The following BAZ1A variants were observed in gnomAD, a reference collection of about 807,000 sequenced individuals.
BAZ1A encodes the protein bromodomain adjacent to zinc finger domain protein 1A.
In BAZ1A, 50 loss-of-function variants were observed where a neutral mutation model predicts 185.2. The observed-to-expected ratio is 0.27, with a 90% confidence interval of 0.22 to 0.34. The LOEUF (loss-of-function observed/expected upper bound fraction) is 0.34, where lower values mean the gene tolerates loss of function less well. BAZ1A is among the 10% of genes least tolerant of loss of function. BAZ1A has a pLI of 1.00. For missense variants in BAZ1A, 1,356 were observed against 1,839.9 expected (o/e 0.74, Z 4.81); for synonymous variants, 571 against 615.6 (o/e 0.93, Z 1.07).
At chr14:34,801,850 G>C (rs915772961) in intron 7 of BAZ1A, among the ~76,000 whole-genome samples, 1 of 148,722 alleles carries the variant, frequency 6.7e-6, no homozygotes, top group African/African-American at 2.5e-5. Context: ...AGGTTGCAGT[G>C]AGCCAAGATC....
chr14:34,821,415 TCTTTA>T (rs1022590212), intron 4 of BAZ1A, among the ~76,000 whole-genome samples: 5 of 152,340 alleles, frequency 3.3e-5, no homozygotes, highest in African/African-American at 1.2e-4. Context: ...CCTTCCCTTT[TCTTTA>T]AACAACCTAC....
chr14:34,785,562 A>C (rs1022272959), intron 14 of BAZ1A, among the ~76,000 whole-genome samples: 5 of 152,250 alleles, frequency 3.3e-5, no homozygotes, highest in African/African-American at 4.8e-5. Context: ...AACTCAGTAG[A>C]TGTAGTAGAC....
At chr14:34,865,640 A>T (rs776656163) in intron 2 of BAZ1A, among the ~76,000 whole-genome samples, 3 of 152,228 alleles carry the variant, frequency 2.0e-5, no homozygotes, top group Admixed American at 6.5e-5. Context: ...CTTAAATGAG[A>T]TCTACAGAAA....
intron 4 of BAZ1A, among the ~76,000 whole-genome samples, chr14:34,822,377 A>T (rs2042101904): frequency 6.6e-6 from 1 of 152,070 alleles, no homozygotes; most frequent in Non-Finnish European, 1.5e-5. Flanking sequence ...TAATCCCAAC[A>T]CTTTAGGAGG....
chr14:34,821,939 G>C (rs1018085123), intron 4 of BAZ1A, among the ~76,000 whole-genome samples: 3 of 151,746 alleles, frequency 2.0e-5, no homozygotes, highest in African/African-American at 4.8e-5. Flanking sequence ...AGCCAAGATC[G>C]CACCATTGCA....
chr14:34,764,289 CTTTTTTTTTTTT>C (rs34861206), intron 23 of BAZ1A, among the ~76,000 whole-genome samples: 2 of 111,850 alleles, frequency 1.8e-5, no homozygotes, highest in South Asian at 5.7e-4. Context: ...TTTTTCTTTT[CTTTTTTTTTTTT>C]TTTTTTTGAG....
intron 3 of BAZ1A, among the ~76,000 whole-genome samples, chr14:34,845,859 C>CAAAAAA (rs3062591): frequency 4.3e-5 from 5 of 115,176 alleles, no homozygotes; most frequent in African/African-American, 1.0e-4. Context: ...GACTCTGTCT[C>CAAAAAA]AAAAAAAAAA....
chr14:34,808,462 C>T (rs2041883953), intron 5 of BAZ1A, among the ~76,000 whole-genome samples: 1 of 152,058 alleles, frequency 6.6e-6, no homozygotes, highest in Non-Finnish European at 1.5e-5. Context: ...CGTGCTGCTG[C>T]ACTCTAGTCT....
chr14:34,757,653 A>G lies in BAZ1A; in HGVS notation c.4386+1051T>C, dbSNP rs1886317102. Among the ~76,000 whole-genome samples, 4 of 151,850 alleles carry G rather than the reference A, an allele frequency of 2.6e-5. 1 individual carries two copies. In the South Asian group the frequency reaches 8.3e-4, roughly 32 times the overall value. ...GCACTCCAGCCGGGGGACAAAAGCAAGACTTTGTCTCAAAACAAAAACAAA... is the reference window on the plus strand; with the variant it reads ...GCACTCCAGCCGGGGGACAAAAGCAGGACTTTGTCTCAAAACAAAAACAAA... On this transcript the variant is annotated intron_variant, in intron 25 of 26. Coordinates refer to ENST00000360310, the MANE Select transcript of BAZ1A (RefSeq NM_013448.3).
intron 11 of BAZ1A, among the ~76,000 whole-genome samples, chr14:34,794,008 T>A (rs1881036649): frequency 6.6e-6 from 1 of 151,882 alleles, no homozygotes; most frequent in South Asian, 2.1e-4. Flanking sequence ...GGCGGGTGCC[T>A]GTAGTCCCAG....
intron 14 of BAZ1A, among the ~76,000 whole-genome samples, chr14:34,784,625 C>G (rs541252668): frequency 3.3e-5 from 5 of 151,142 alleles, no homozygotes; most frequent in Non-Finnish European, 4.4e-5. Context: ...TCACGCCATT[C>G]TCCTGCCTCA....
chr14:34,797,400 A>G (rs1188985747), intron 9 of BAZ1A, among the ~76,000 whole-genome samples: 2 of 152,186 alleles, frequency 1.3e-5, no homozygotes, highest in South Asian at 2.1e-4. Flanking sequence ...CTCTACTAAA[A>G]ATACAAAAAT....
At chr14:34,870,581 G>A (rs1244212125) in intron 2 of BAZ1A, among the ~76,000 whole-genome samples, 1 of 152,118 alleles carries the variant, frequency 6.6e-6, no homozygotes, top group East Asian at 1.9e-4. Flanking sequence ...AAATGTCTAA[G>A]CAGACAGTAC....
chr14:34,758,113 C>T (rs1886347780), intron 25 of BAZ1A, among the ~76,000 whole-genome samples: 2 of 125,788 alleles, frequency 1.6e-5, no homozygotes, highest in Non-Finnish European at 3.2e-5. Flanking sequence ...GAGACCCTGT[C>T]TCAAAAAAAA....
intron 12 of BAZ1A, among the ~76,000 whole-genome samples, chr14:34,787,364 A>AAAG (rs1566561805): frequency 3.3e-5 from 1 of 30,412 alleles, no homozygotes; most frequent in African/African-American, 9.5e-5. Flanking sequence ...AAAAAAAAAA[A>AAAG]AAAAGAAAAG....
chr14:34,874,467 G>C lies in BAZ1A; in HGVS notation c.113+25C>G. 2 of 1,596,020 alleles carry C rather than the reference G, an allele frequency of 1.3e-6. No homozygotes were observed. Among genetic ancestry groups the C allele is most frequent in the Non-Finnish European group, 1.7e-6 (2 of 1,164,854 alleles). On this transcript the variant is annotated intron_variant, in intron 2 of 26. Coordinates refer to ENST00000360310, the MANE Select transcript of BAZ1A (RefSeq NM_013448.3). The surrounding 1 kb of genome is among the most constrained non-coding windows in gnomAD (Gnocchi z 4.7). Reference sequence around the variant, plus strand: ...GGGGGGAGTCCCCACACCCCCCGCGGCCCCGCACACGGCCCGGCTCTTACT... The same window carrying C: ...GGGGGGAGTCCCCACACCCCCCGCGCCCCCGCACACGGCCCGGCTCTTACT...
chr14:34,798,986 A>C (rs1881357461), intron 9 of BAZ1A, among the ~76,000 whole-genome samples: 1 of 152,114 alleles, frequency 6.6e-6, no homozygotes, highest in East Asian at 1.9e-4. Context: ...AACCAACTCA[A>C]ATGTCCATCA....
chr14:34,814,372 T>C (rs1399914236), intron 4 of BAZ1A, among the ~76,000 whole-genome samples: 1 of 152,084 alleles, frequency 6.6e-6, no homozygotes, highest in Non-Finnish European at 1.5e-5. Context: ...TATAAAATAA[T>C]ATACTAACAG....
chr14:34,796,057 T>C (rs1864385606), intron 9 of BAZ1A, among the ~76,000 whole-genome samples: 1 of 152,110 alleles, frequency 6.6e-6, no homozygotes, highest in Non-Finnish European at 1.5e-5. Flanking sequence ...CCCAGCACTT[T>C]GGGAGTCAGA....
Sources: gnomAD v4.1 joint callset for allele counts (sites outside exome capture counted in the v4.1 genomes callset) on GRCh38, gnomAD v4.1.1 for gene constraint, Gnocchi (gnomAD v3.1) non-coding constraint, MANE v1.5 for transcripts, NCBI Gene and HGNC (gene_info 2026-07-23, HGNC 2026-07-21) for gene names.